Variants in CRB1 observed in about 807,000 individuals in gnomAD.
The protein encoded by CRB1 is protein crumbs homolog 1.
A neutral mutation model predicts 120.0 loss-of-function variants in CRB1; 83 were observed. The ratio of observed to expected loss-of-function variants is 0.69; its 90% CI spans 0.58 to 0.83. The LOEUF is 0.83. Ranked by LOEUF, CRB1 falls within the 40% of genes least tolerant of loss-of-function variation. The probability of loss-of-function intolerance (pLI) is 0.00; values close to 1 mark genes in which losing one functional copy is unlikely to be tolerated. For synonymous variants in CRB1, 625 were observed against 612.5 expected, an observed-to-expected ratio of 1.02 and a Z score of -0.30; for missense variants, 1,699 against 1,687.6, an observed-to-expected ratio of 1.01 and a Z score of -0.12.
At chr1:197,363,971 G>T in intron 5 of CRB1, 1 of 1,357,260 alleles carries the variant, frequency 7.4e-7, no homozygotes, top group Non-Finnish European at 1.1e-6. Flanking sequence ...TGCGGCCGGC[G>T]ACAGAGGGAA....
intron 1 of CRB1, among the ~76,000 whole-genome samples, chr1:197,312,710 G>GT (rs1448551941): frequency 2.0e-5 from 3 of 152,024 alleles, no homozygotes; most frequent in Non-Finnish European, 4.4e-5. Context: ...TTTATATTGT[G>GT]TTTTTTACAC....
At chr1:197,220,178 AT>A in the CRB1 span, among the ~76,000 whole-genome samples, 1 of 152,218 alleles carries the variant, frequency 6.6e-6, no homozygotes, top group Non-Finnish European at 1.5e-5. Flanking sequence ...ACTAAAATTG[AT>A]TGCAAAAAAG....
chr1:197,434,441 A>G (rs2125498206), intron 8 of CRB1, among the ~76,000 whole-genome samples: 1 of 152,212 alleles, frequency 6.6e-6, no homozygotes, highest in African/African-American at 2.4e-5. Flanking sequence ...TGGCTTTGTT[A>G]TTTATTAATT....
chr1:197,441,935 A>AG, intron 10 of CRB1: 1 of 552,930 alleles, frequency 1.8e-6, no homozygotes, highest in Non-Finnish European at 3.2e-6. Context: ...ATTCTAATTA[A>AG]TTCCGTGTGT....
In CRB1 at chr1:197,434,795, T is replaced by G; in HGVS notation, c.2932T>G (p.Phe978Val). 1 of 1,613,620 alleles carries G rather than the reference T, an allele frequency of 6.2e-7. No homozygotes were observed. The highest frequency in any genetic ancestry group is 8.5e-7 in the Non-Finnish European group (1 of 1,179,592). ...NITRELTNIT[F>V]GFRTRDANVI... is the part of the protein sequence containing the mutation. ...TACCAGAGAACTCACCAATATCACA[T>G]TTGGTTTCAGAACAAGGGATGCAAA... Residue 978 changes from phenylalanine to valine, a missense_variant, in exon 9 of 12, where the codon TTT becomes GTT. Transcript: ENST00000367400.
chr1:197,476,815 G>GA (rs1343282945), intron 11 of CRB1, among the ~76,000 whole-genome samples: 1 of 152,086 alleles, frequency 6.6e-6, no homozygotes, highest in Non-Finnish European at 1.5e-5. Flanking sequence ...ATATGTCTTT[G>GA]AAAAAATCAG....
At chr1:197,473,737 A>G (rs1667081747) in intron 11 of CRB1, among the ~76,000 whole-genome samples, 3 of 152,104 alleles carry the variant, frequency 2.0e-5, no homozygotes, top group Admixed American at 2.0e-4. Context: ...GCTGGCCTTA[A>G]ATCTCGTCCT....
chr1:197,469,950 C>T (rs777925146), intron 11 of CRB1, among the ~76,000 whole-genome samples: 1 of 152,164 alleles, frequency 6.6e-6, no homozygotes, highest in Non-Finnish European at 1.5e-5. Flanking sequence ...TATCCCTTAT[C>T]TGCCACTCCA....
intron 4 of CRB1, among the ~76,000 whole-genome samples, chr1:197,348,981 A>G (rs1484915111): frequency 6.6e-6 from 1 of 152,236 alleles, no homozygotes; most frequent in African/African-American, 2.4e-5. Flanking sequence ...GTAGTATACA[A>G]TAATGTTGTA....
At position 197,423,933 on chromosome 1, in the gene CRB1, C is replaced by A. The variant is rs567086253; in HGVS notation, c.2128+1977C>A. 1.6e-4 allele frequency among the ~76,000 whole-genome samples: 25 copies of A among 152,238 alleles called. No homozygotes were observed. The South Asian group carries it at 5.2e-3, about 32-fold the overall frequency. The stretch of plus-strand genomic sequence containing the variant: ...AGGTCACAGAAGTGTCCATAAGGTT[C>A]TCTCAGCATATCTTGTGTTGACTGT... On this transcript the variant is annotated intron_variant, in intron 6 of 11. Transcript: ENST00000367400.
chr1:197,451,677 TTCATCCTCAA>T (rs1204660900), intron 11 of CRB1, among the ~76,000 whole-genome samples: 1 of 152,212 alleles, frequency 6.6e-6, no homozygotes, highest in African/African-American at 2.4e-5. Context: ...TCTACATTGC[TTCATCCTCAA>T]TCATTTCCAA....
chr1:197,369,057 G>A (rs561940425), intron 5 of CRB1, among the ~76,000 whole-genome samples: 1 of 152,180 alleles, frequency 6.6e-6, no homozygotes, highest in African/African-American at 2.4e-5. Flanking sequence ...AGGATATTGG[G>A]AGTTGTCCTC....
At chr1:197,237,371 T>C in the CRB1 span, among the ~76,000 whole-genome samples, 1 of 152,186 alleles carries the variant, frequency 6.6e-6, no homozygotes, top group South Asian at 2.1e-4. Flanking sequence ...GAGAGCCTCT[T>C]TCTCAAAGAT....
upstream of CRB1, among the ~76,000 whole-genome samples, chr1:197,266,707 C>T (rs1654645598): frequency 6.6e-6 from 1 of 152,110 alleles, no homozygotes; most frequent in Non-Finnish European, 1.5e-5. Context: ...GTTCTCTCAA[C>T]CACTTATTTT....
In CRB1 at chr1:197,478,120, A is replaced by G. The variant is rs1667281942; in HGVS notation, c.*241A>G. ...TGCCAGTAATTTCAGCCTTATAATT[A>G]GCAAAAACATCTTCCAGAGAATAAA... On this transcript the variant is annotated 3_prime_UTR_variant, in exon 12 of 12. Transcript: ENST00000367400. 1 of 529,794 alleles carries G rather than the reference A, an allele frequency of 1.9e-6. No homozygotes were observed. The highest frequency in any genetic ancestry group is 3.4e-6 in the Non-Finnish European group (1 of 294,286). The allele number at this position is 529,794 out of a possible 1,614,324, so 32.8% of individuals were successfully genotyped here.
chr1:197,316,469 C>A (rs2125281627), intron 1 of CRB1, among the ~76,000 whole-genome samples: 2 of 152,314 alleles, frequency 1.3e-5, no homozygotes, highest in Admixed American at 1.3e-4. Flanking sequence ...AGGCGTGAGC[C>A]ACCGCGCCCG....
chr1:197,277,940 G>A (rs1571752722), intron 1 of CRB1, among the ~76,000 whole-genome samples: 1 of 152,022 alleles, frequency 6.6e-6, no homozygotes, highest in Non-Finnish European at 1.5e-5. Context: ...CACTCTACAT[G>A]ATCCAGCTTC....
chr1:197,255,996 T>TATATATATATATATATATACATAC, the CRB1 span, among the ~76,000 whole-genome samples: 1 of 116,710 alleles, frequency 8.6e-6, no homozygotes, highest in Non-Finnish European at 1.7e-5. Context: ...TATATATATA[T>TATATATATATATATATATACATAC]ACACTACAAT....
chr1:197,251,669 C>T, the CRB1 span, among the ~76,000 whole-genome samples: 3 of 152,096 alleles, frequency 2.0e-5, no homozygotes, highest in African/African-American at 7.2e-5. Flanking sequence ...ATTTATGACA[C>T]TGTATCTGTC....
Sources: allele counts gnomAD v4.1 joint callset (sites outside exome capture counted in the v4.1 genomes callset), GRCh38; gene constraint gnomAD v4.1.1; transcripts MANE v1.5; gene names NCBI Gene and HGNC (gene_info 2026-07-23, HGNC 2026-07-21).